Variants in SYT3 observed in about 807,000 individuals in gnomAD.
SYT3 encodes the protein synaptotagmin 3.
Under a neutral mutation model 50.6 loss-of-function variants are expected in SYT3, and 25 were observed. The ratio of observed to expected loss-of-function variants is 0.49; its 90% CI spans 0.36 to 0.69. The LOEUF is 0.69. Among genes scored for constraint, SYT3 ranks in the 30% least tolerant of loss-of-function variants. The pLI is 0.00. For synonymous variants in SYT3, 323 were observed against 353.9 expected (o/e 0.91, Z 0.98); for missense variants, 589 against 793.6 (o/e 0.74, Z 3.10).
chr19:50,649,311 C>A, the SYT3 span: 1 of 835,622 alleles, frequency 1.2e-6, no homozygotes, highest in Non-Finnish European at 1.9e-6. Flanking sequence ...CCTTCCAGTT[C>A]CTCTGTAATT....
chr19:50,650,209 C>T, the SYT3 span, among the ~76,000 whole-genome samples: 8 of 152,362 alleles, frequency 5.3e-5, no homozygotes, highest in Admixed American at 1.3e-4. Context: ...AAGCTCCAGC[C>T]TGGCTTTTGA....
In SYT3 at chr19:50,625,061, T is replaced by C; in HGVS notation, c.1707+101A>G. 7.8e-7 allele frequency: 1 copy of C among 1,277,296 alleles called. No individual in the cohort carries two copies. The highest frequency in any genetic ancestry group is 1.0e-6 in the Non-Finnish European group (1 of 986,870). The allele number at this position is 1,277,296 out of a possible 1,614,324, so 79.1% of individuals were successfully genotyped here. Reference sequence around the variant, plus strand: ...AGCAGGGATTGAAACCTAGGACGCCTGGCTCTGCGACTCACGAACATGCAG... The same window carrying C: ...AGCAGGGATTGAAACCTAGGACGCCCGGCTCTGCGACTCACGAACATGCAG... On this transcript the variant is annotated intron_variant, in intron 9 of 10. Coordinates refer to ENST00000600079, the MANE Select transcript of SYT3 (RefSeq NM_001160329.2). This position sits in a 1 kb window ranked among gnomAD's most constrained non-coding sequence, Gnocchi z 7.5.
Position 50,625,768 on chromosome 19 carries a change from TC to T in SYT3, c.1402+128del. 11 of 696,510 alleles carry T rather than the reference TC, an allele frequency of 1.6e-5. No individual in the cohort carries two copies. The highest frequency in any genetic ancestry group is 3.5e-5 in the South Asian group (2 of 57,102). The allele number at this position is 696,510 out of a possible 1,614,324, so 43.1% of individuals were successfully genotyped here. ...GTCCAGGCCCCTGGCCCCTCCTCCCTCAGACCCAGGAGTCCAGATCCCCAGC... is the reference window on the plus strand; with the variant it reads ...GTCCAGGCCCCTGGCCCCTCCTCCCTAGACCCAGGAGTCCAGATCCCCAGC... On this transcript the variant is annotated intron_variant, in intron 7 of 10. Transcript: ENST00000600079. The surrounding 1 kb of genome is among the most constrained non-coding windows in gnomAD (Gnocchi z 7.5).
upstream of SYT3, among the ~76,000 whole-genome samples, chr19:50,644,354 G>A (rs1397452381): frequency 6.6e-6 from 1 of 152,120 alleles, no homozygotes; most frequent in African/African-American, 2.4e-5. Flanking sequence ...ATAGATGAAA[G>A]AGTGGATGGT....
chr19:50,657,970 C>G, the SYT3 span: 7 of 1,515,698 alleles, frequency 4.6e-6, no homozygotes, highest in Non-Finnish European at 6.2e-6. Context: ...GGCTGAGGTT[C>G]TCTCTCCGAC....
Position 50,630,075 on chromosome 19 carries a change from C to G in SYT3, c.771G>C (p.Leu257=), listed in dbSNP as rs1405914690. ...EERPPALPLP[L]PGGEEKAKLI... ...GTTTGGCTTTTTCCTCGCCTCCAGG[C>G]AGGGGTAAGGGCAGGGCAGGTGGCC... The change falls in exon 5 of 11, where the codon CTG becomes CTC. Residue 257 remains leucine, a synonymous_variant. Coordinates refer to ENST00000600079, the MANE Select transcript of SYT3 (RefSeq NM_001160329.2). 1 of 1,613,792 alleles carries G rather than the reference C, an allele frequency of 6.2e-7. No individual in the cohort carries two copies. The highest frequency in any genetic ancestry group is 2.2e-5 in the East Asian group (1 of 44,866).
At position 50,625,215 on chromosome 19, in the gene SYT3, C is replaced by A; in HGVS notation, c.1654G>T (p.Glu552Ter). ...GGCTTGCGGGGATTGGCCAGCATCTCTGCCCAGTGCTCGCGGCCGTGCGGG... is the reference window on the plus strand; with the variant it reads ...GGCTTGCGGGGATTGGCCAGCATCTATGCCCAGTGCTCGCGGCCGTGCGGG... Reference protein sequence around the residue: ...ADPHGREHWAEMLANPRKPVE... With the variant: ...ADPHGREHWA The change falls in exon 9 of 11, where the codon GAG (glutamate) becomes TAG (stop). Residue 552 changes from glutamate (E) to a stop codon, truncating the protein, a stop_gained. Transcript: ENST00000600079. LOFTEE classifies it high-confidence loss of function. This position sits in a 1 kb window ranked among gnomAD's most constrained non-coding sequence, Gnocchi z 7.5. The A allele has an allele frequency of 6.3e-7, 1 of 1,599,452 alleles. No individual in the cohort carries two copies.
intron 6 of SYT3, among the ~76,000 whole-genome samples, chr19:50,626,951 AAGAGAGAG>A (rs149199984): frequency 2.0e-5 from 3 of 147,824 alleles, no homozygotes; most frequent in African/African-American, 2.5e-5. Context: ...CACCAAGAGA[AAGAGAGAG>A]AGAGAGAGAG....
chr19:50,649,199 C>G, the SYT3 span, among the ~76,000 whole-genome samples: 2 of 151,284 alleles, frequency 1.3e-5, no homozygotes, highest in Non-Finnish European at 2.9e-5. Flanking sequence ...CTCTAGGAGA[C>G]AGAGAGAGAT....
rs1984537483 is a variant in SYT3, at chr19:50,637,544, G to A, written c.-15-118C>T. 1 of 862,204 alleles carries A rather than the reference G, an allele frequency of 1.2e-6. No homozygotes were observed. Among genetic ancestry groups the A allele is most frequent in the South Asian group, 1.8e-5 (1 of 55,056 alleles). The allele number at this position is 862,204 out of a possible 1,614,324, so 53.4% of individuals were successfully genotyped here. On this transcript the variant is annotated intron_variant, in intron 2 of 10. Coordinates refer to ENST00000600079, the MANE Select transcript of SYT3 (RefSeq NM_001160329.2). This position sits in a 1 kb window ranked among gnomAD's most constrained non-coding sequence, Gnocchi z 4.9. ...CCGAGAAAAGGAAGGATGGGCAAAG[G>A]GGACAGAGATTAGGGGCAGATGGAT...
At chr19:50,648,607 AG>A in the SYT3 span, among the ~76,000 whole-genome samples, 1 of 77,256 alleles carries the variant, frequency 1.3e-5, no homozygotes, top group African/African-American at 7.9e-5. Context: ...CCAGAAGTCC[AG>A]GCCCCCATCC....
At chr19:50,650,620 A>G in the SYT3 span, among the ~76,000 whole-genome samples, 13 of 152,186 alleles carry the variant, frequency 8.5e-5, no homozygotes, top group Non-Finnish European at 1.6e-4. Flanking sequence ...GCAGCGAGCC[A>G]AGATTGTGCC....
At chr19:50,649,625 C>A in the SYT3 span, 1 of 1,148,856 alleles carries the variant, frequency 8.7e-7, no homozygotes, top group Non-Finnish European at 1.3e-6. Context: ...AAAGTGAAAG[C>A]CATCCCTAGC....
At chr19:50,648,537 A>G in the SYT3 span, among the ~76,000 whole-genome samples, 1 of 151,488 alleles carries the variant, frequency 6.6e-6, no homozygotes, top group Non-Finnish European at 1.5e-5. Flanking sequence ...GATGCTGAAC[A>G]GGCACCTACA....
chr19:50,638,402 T>C (rs1443321346), intron 2 of SYT3, among the ~76,000 whole-genome samples: 3 of 149,822 alleles, frequency 2.0e-5, no homozygotes, highest in East Asian at 4.0e-4. Flanking sequence ...GGTGGATAGG[T>C]ATGGTGGGAG....
chr19:50,648,319 A>G, the SYT3 span, among the ~76,000 whole-genome samples: 2 of 152,194 alleles, frequency 1.3e-5, no homozygotes, highest in Non-Finnish European at 2.9e-5. Context: ...CAAATCACTG[A>G]GGAAATCAAG....
the SYT3 span, among the ~76,000 whole-genome samples, chr19:50,654,430 G>A: frequency 2.0e-5 from 3 of 152,026 alleles, no homozygotes; most frequent in Non-Finnish European, 4.4e-5. Flanking sequence ...AGCCTCCCGA[G>A]TAGCTGGGAC....
chr19:50,628,870 G>A (rs961823199), intron 6 of SYT3, among the ~76,000 whole-genome samples: 3 of 145,642 alleles, frequency 2.1e-5, no homozygotes, highest in African/African-American at 5.1e-5. Context: ...TGTTGCCTAC[G>A]CTGGAGTGCA....
intron 3 of SYT3, among the ~76,000 whole-genome samples, chr19:50,636,816 G>A: frequency 6.6e-6 from 1 of 152,192 alleles, no homozygotes; most frequent in Non-Finnish European, 1.5e-5. Flanking sequence ...TTCTTCGTAG[G>A]TGTTATATCA....
Sources: allele counts gnomAD v4.1 joint callset (sites outside exome capture counted in the v4.1 genomes callset), GRCh38; gene constraint gnomAD v4.1.1; non-coding constraint Gnocchi (gnomAD v3.1); transcripts MANE v1.5; gene names NCBI Gene and HGNC (gene_info 2026-07-23, HGNC 2026-07-21).